Variants in ADGRV1 observed in about 807,000 individuals in gnomAD.
ADGRV1 encodes the protein adhesion G protein-coupled receptor V1, also known as G-protein coupled receptor 98.
ADGRV1 carries 359 observed loss-of-function variants against 596.2 expected under a neutral mutation model. The observed-to-expected ratio is 0.60, with a 90% CI of 0.55 to 0.66. The LOEUF (loss-of-function observed/expected upper bound fraction) is 0.66. Ranked by LOEUF, ADGRV1 falls within the 30% of genes least tolerant of loss-of-function variation. The pLI, the probability that ADGRV1 is intolerant of heterozygous loss-of-function variation, is 0.00. For missense variants in ADGRV1, 7,274 were observed against 7,575.6 expected (o/e 0.96, Z 1.48); for synonymous variants, 2,681 against 2,679.2 (o/e 1.00, Z -0.02).
intron 85 of ADGRV1, among the ~76,000 whole-genome samples, chr5:91,066,151 C>G (rs1436993528): frequency 2.0e-5 from 3 of 152,210 alleles, no homozygotes; most frequent in African/African-American, 4.8e-5. Context: ...GTTCTTGAAG[C>G]AATAGCTGCA....
At chr5:90,657,430 A>T (rs1343693076) in intron 20 of ADGRV1, among the ~76,000 whole-genome samples, 2 of 152,190 alleles carry the variant, frequency 1.3e-5, no homozygotes, top group Non-Finnish European at 2.9e-5. Context: ...AAAGAGCAAG[A>T]TCTTGTCTCT....
intron 88 of ADGRV1, among the ~76,000 whole-genome samples, chr5:91,151,328 A>G (rs1404502567): frequency 6.6e-6 from 1 of 152,226 alleles, no homozygotes; most frequent in Non-Finnish European, 1.5e-5. Flanking sequence ...ATACAGAATT[A>G]TTAACTAGTA....
At chr5:90,904,430 G>A (rs1271391833) in intron 83 of ADGRV1, among the ~76,000 whole-genome samples, 1 of 151,918 alleles carries the variant, frequency 6.6e-6, no homozygotes, top group Non-Finnish European at 1.5e-5. Context: ...ATTTGTTATT[G>A]CTTGTCTTTC....
chr5:90,565,816 G>A (rs971057998), intron 1 of ADGRV1, among the ~76,000 whole-genome samples: 5 of 152,128 alleles, frequency 3.3e-5, no homozygotes, highest in African/African-American at 1.2e-4. Flanking sequence ...CAATGTATGA[G>A]AGTTTTGATT....
intron 76 of ADGRV1, chr5:90,825,721 G>A (rs1764015872): frequency 6.6e-6 from 1 of 152,150 alleles, no homozygotes; most frequent in Admixed American, 6.6e-5. Context: ...CTCTGAGCTT[G>A]CCCTCCTTGC....
intron 78 of ADGRV1, among the ~76,000 whole-genome samples, chr5:90,842,109 C>T (rs1765484165): frequency 6.6e-6 from 1 of 152,160 alleles, no homozygotes. Context: ...AACAGGACCT[C>T]ACTTCATATG....
chr5:91,116,629 T>G (rs1792871082), intron 87 of ADGRV1, among the ~76,000 whole-genome samples: 1 of 152,202 alleles, frequency 6.6e-6, no homozygotes, highest in Non-Finnish European at 1.5e-5. Flanking sequence ...TTTACTAAGC[T>G]ACCAACTCAG....
At chr5:90,760,622 C>G (rs184400714) in intron 58 of ADGRV1, among the ~76,000 whole-genome samples, 223 of 152,234 alleles carry the variant, frequency 1.5e-3, no homozygotes, top group African/African-American at 5.2e-3. Context: ...CACTGTTATG[C>G]TAGTCTGTTG....
At chr5:90,750,141 A>G (rs1462481339) in intron 52 of ADGRV1, among the ~76,000 whole-genome samples, 2 of 152,154 alleles carry the variant, frequency 1.3e-5, no homozygotes, top group Non-Finnish European at 2.9e-5. Context: ...TGGGATTGCC[A>G]GAAGTTACAC....
At chr5:91,146,442 G>T (rs2126872999) in intron 87 of ADGRV1, among the ~76,000 whole-genome samples, 1 of 152,326 alleles carries the variant, frequency 6.6e-6, no homozygotes, top group Admixed American at 6.5e-5. Context: ...GGTCGCAAAA[G>T]AATTTAAAGG....
intron 85 of ADGRV1, among the ~76,000 whole-genome samples, chr5:90,985,852 T>TG (rs1014386061): frequency 1.2e-4 from 18 of 151,914 alleles, no homozygotes; most frequent in African/African-American, 4.4e-4. Flanking sequence ...TGAAAACAGT[T>TG]GGAGTGTGGC....
At chr5:90,903,321 T>A (rs1345229868) in intron 83 of ADGRV1, among the ~76,000 whole-genome samples, 2 of 152,084 alleles carry the variant, frequency 1.3e-5, no homozygotes, top group African/African-American at 2.4e-5. Context: ...CATGCCTGGT[T>A]TTAGATGGAG....
At position 90,879,969 on chromosome 5, in the gene ADGRV1, ATAAT is replaced by A. The variant is rs1356931230; in HGVS notation, c.17856+16117_17856+16120del. On this transcript the variant is annotated intron_variant, in intron 83 of 89. Transcript: ENST00000405460. ...CTGTCTCAAAATAACAATAATAATA[ATAAT>A]TAATAATTATTTTAAGAAGCAATTT... Among the ~76,000 whole-genome samples, 38 of 152,104 alleles carry A rather than the reference ATAAT, an allele frequency of 2.5e-4. No individual in the cohort carries two copies. The South Asian group carries it at 3.9e-3, about 16-fold the overall frequency.
intron 83 of ADGRV1, among the ~76,000 whole-genome samples, chr5:90,949,917 A>G (rs1195935852): frequency 3.9e-5 from 6 of 152,186 alleles, no homozygotes; most frequent in Non-Finnish European, 2.9e-5. Context: ...TTTCTTTGAC[A>G]AGGAAGGATG....
At chr5:91,092,771 T>C (rs1248316766) in intron 86 of ADGRV1, 1 of 151,990 alleles carries the variant, frequency 6.6e-6, no homozygotes, top group Non-Finnish European at 1.5e-5. Flanking sequence ...AGGGCCATGG[T>C]TGCTCTTTGA....
chr5:90,571,654 G>T (rs1236352672), intron 1 of ADGRV1, among the ~76,000 whole-genome samples: 1 of 152,130 alleles, frequency 6.6e-6, no homozygotes, highest in South Asian at 2.1e-4. Context: ...ACTGTGGTGA[G>T]TGAAGTCTTC....
chr5:90,965,197 A>G (rs143639863), intron 83 of ADGRV1, among the ~76,000 whole-genome samples: 1 of 152,346 alleles, frequency 6.6e-6, no homozygotes, highest in African/African-American at 2.4e-5. Flanking sequence ...AGCAACATGT[A>G]GCATAATTTC....
chr5:90,933,635 A>G (rs1368644518), intron 83 of ADGRV1, among the ~76,000 whole-genome samples: 2 of 152,084 alleles, frequency 1.3e-5, no homozygotes, highest in African/African-American at 4.8e-5. Context: ...CTTTTCAGAG[A>G]ATCTCTCTAA....
intron 87 of ADGRV1, among the ~76,000 whole-genome samples, chr5:91,147,337 T>G (rs945322784): frequency 6.6e-6 from 1 of 152,222 alleles, no homozygotes; most frequent in African/African-American, 2.4e-5. Context: ...TGAAGAATGC[T>G]TGTGGAAAAT....
Sources: gnomAD v4.1 joint callset for allele counts (sites outside exome capture counted in the v4.1 genomes callset) on GRCh38, gnomAD v4.1.1 for gene constraint, MANE v1.5 for transcripts, NCBI Gene and HGNC (gene_info 2026-07-23, HGNC 2026-07-21) for gene names.